Variants in TMPRSS15 observed in about 807,000 individuals in gnomAD.
TMPRSS15 encodes transmembrane serine protease 15, also known as enteropeptidase.
A neutral mutation model predicts 125.3 loss-of-function variants in TMPRSS15; 128 were observed. That is an observed-to-expected ratio of 1.02 (90% CI 0.89 to 1.18). The LOEUF is 1.18. Among genes scored for constraint, TMPRSS15 ranks in the 50% most tolerant of loss-of-function variants. The pLI is 0.00. For missense variants in TMPRSS15, 1,283 were observed against 1,212.7 expected, an observed-to-expected ratio of 1.06 and a Z score of -0.86; for synonymous variants, 446 against 423.2, an observed-to-expected ratio of 1.05 and a Z score of -0.66.
chr21:18,332,245 C>T (rs2075353166), intron 13 of TMPRSS15, 72 bp from the exon 14 acceptor site: 21 of 1,324,232 alleles, frequency 1.6e-5, no homozygotes, highest in African/African-American at 5.8e-5. Context: ...CATATGCCAG[C>T]GAATTTTCAA....
chr21:18,480,460 C>A (rs1978962230), intron 1 of TMPRSS15, among the ~76,000 whole-genome samples: 1 of 151,832 alleles, frequency 6.6e-6, no homozygotes. Context: ...ACTGTATATG[C>A]ACCAATATTT....
At position 18,325,263 on chromosome 21, in the gene TMPRSS15, T is replaced by C. The variant is rs2075277589; in HGVS notation, c.1921+1169A>G. ...ATTGTTTTTTATTGATCCATGTCAC[T>C]GTTGCTTGTAAGTAAACAGATTGGC... On this transcript the variant is annotated intron_variant, in intron 16 of 24. Coordinates refer to ENST00000284885, the MANE Select transcript of TMPRSS15 (RefSeq NM_002772.3). 2.0e-5 allele frequency among the ~76,000 whole-genome samples: 3 copies of C among 152,106 alleles called. No individual in the cohort carries two copies. In the South Asian group the frequency reaches 6.2e-4, roughly 32 times the overall value.
At chr21:18,377,082 T>G (rs2075851831) in intron 5 of TMPRSS15, among the ~76,000 whole-genome samples, 1 of 152,136 alleles carries the variant, frequency 6.6e-6, no homozygotes, top group South Asian at 2.1e-4. Flanking sequence ...CATAGTATCT[T>G]GCCGTATGAG....
At chr21:18,276,172 AGAT>A (rs1248479949) in intron 23 of TMPRSS15, among the ~76,000 whole-genome samples, 3 of 152,254 alleles carry the variant, frequency 2.0e-5, no homozygotes, top group Non-Finnish European at 4.4e-5. Context: ...TGCACTAAAA[AGAT>A]GAAGGAAGCA....
intron 1 of TMPRSS15, among the ~76,000 whole-genome samples, chr21:18,458,888 G>A (rs1978493258): frequency 6.6e-6 from 1 of 151,924 alleles, no homozygotes; most frequent in Non-Finnish European, 1.5e-5. Context: ...TATATCTTAT[G>A]ATGATTATAT....
intron 16 of TMPRSS15, among the ~76,000 whole-genome samples, chr21:18,323,810 TATG>T (rs1166205093): frequency 2.6e-5 from 4 of 152,176 alleles, no homozygotes; most frequent in Non-Finnish European, 5.9e-5. Context: ...TGCTCTATTT[TATG>T]ATATTTTGCA....
chr21:18,308,360 G>C (rs1428476356), intron 18 of TMPRSS15, among the ~76,000 whole-genome samples: 7 of 143,516 alleles, frequency 4.9e-5, no homozygotes, highest in Non-Finnish European at 7.7e-5. Context: ...AGTTTATACT[G>C]TAGAATAAAA....
intron 19 of TMPRSS15, 73 bp downstream of exon 19, chr21:18,297,661 C>T (rs2074921337): frequency 8.9e-7 from 1 of 1,129,352 alleles, no homozygotes; most frequent in East Asian, 2.4e-5. Flanking sequence ...GCATTCAAAT[C>T]TGACTGGCTT....
chr21:18,413,312 T>TTCTTTTCCTTCC (rs1555911459), intron 1 of TMPRSS15, among the ~76,000 whole-genome samples: 3 of 94,798 alleles, frequency 3.2e-5, no homozygotes, highest in Non-Finnish European at 6.4e-5. Context: ...TTTTCTTTCT[T>TTCTTTTCCTTCC]TTCCTTCCTT....
intron 1 of TMPRSS15, among the ~76,000 whole-genome samples, chr21:18,454,961 T>G (rs970469933): frequency 1.3e-5 from 2 of 152,106 alleles, no homozygotes; most frequent in African/African-American, 4.8e-5. Context: ...CCAAATCTCA[T>G]CTTGAATTGT....
At chr21:18,294,479 A>T in intron 20 of TMPRSS15, 35 bp from the exon 21 acceptor site, 2 of 1,613,508 alleles carry the variant, frequency 1.2e-6, no homozygotes, top group Non-Finnish European at 1.7e-6. Context: ...CATCTATTTC[A>T]TTTTTGGCAT....
chr21:18,426,920 G>C (rs1418040663), intron 1 of TMPRSS15, among the ~76,000 whole-genome samples: 1 of 152,170 alleles, frequency 6.6e-6, no homozygotes, highest in African/African-American at 2.4e-5. Flanking sequence ...AAATGTCTCA[G>C]TTGGATTTTA....
intron 1 of TMPRSS15, among the ~76,000 whole-genome samples, chr21:18,458,447 G>A (rs1248788213): frequency 6.6e-6 from 1 of 152,160 alleles, no homozygotes; most frequent in Admixed American, 6.5e-5. Flanking sequence ...AGAATCTCAA[G>A]TGGTTCTCAA....
At chr21:18,324,529 AAAG>A (rs1404583599) in intron 16 of TMPRSS15, among the ~76,000 whole-genome samples, 1 of 152,194 alleles carries the variant, frequency 6.6e-6, no homozygotes, top group Non-Finnish European at 1.5e-5. Context: ...AAATTTCTTG[AAAG>A]GAGACTTTAT....
rs143291381 is a variant in TMPRSS15, at chr21:18,427,808, G to T, written c.11-29479C>A. Reference sequence around the variant, plus strand: ...TTTCCCAAATGTGGATAAGGCAAAAGAATTTTCCACTATGTTATTATTCAC... The same window carrying T: ...TTTCCCAAATGTGGATAAGGCAAAATAATTTTCCACTATGTTATTATTCAC... On this transcript the variant is annotated intron_variant, in intron 1 of 7. Transcript: ENST00000422787. Among the ~76,000 whole-genome samples the T allele has an allele frequency of 1.3e-3, 198 of 151,644 alleles. 1 individual carries two copies. The highest frequency in any genetic ancestry group is 0.011 in the Admixed American group (168 of 15,188).
chr21:18,378,170 T>A (rs2075861391), intron 5 of TMPRSS15, among the ~76,000 whole-genome samples: 1 of 152,142 alleles, frequency 6.6e-6, no homozygotes, highest in Admixed American at 6.6e-5. Flanking sequence ...TATATTTAGC[T>A]TACTTATTCA....
intron 1 of TMPRSS15, among the ~76,000 whole-genome samples, chr21:18,460,913 G>C (rs1978539533): frequency 6.6e-6 from 1 of 152,148 alleles, no homozygotes; most frequent in African/African-American, 2.4e-5. Context: ...TTCAATGGCT[G>C]TGCATTCACC....
chr21:18,415,203 G>T (rs1449351561), intron 1 of TMPRSS15, among the ~76,000 whole-genome samples: 1 of 151,994 alleles, frequency 6.6e-6, no homozygotes, highest in Admixed American at 6.6e-5. Flanking sequence ...TTAAATTCAG[G>T]TTACTTGTCT....
intron 1 of TMPRSS15, among the ~76,000 whole-genome samples, chr21:18,401,539 G>A (rs1569058725): frequency 1.3e-5 from 2 of 152,046 alleles, no homozygotes; most frequent in African/African-American, 2.4e-5. Flanking sequence ...GCAGGCACTC[G>A]TGGACATAAA....
Sources: gnomAD v4.1 joint callset for allele counts (sites outside exome capture counted in the v4.1 genomes callset) on GRCh38, gnomAD v4.1.1 for gene constraint, MANE v1.5 for transcripts, NCBI Gene and HGNC (gene_info 2026-07-23, HGNC 2026-07-21) for gene names.